PLCXD3: variants seen among roughly 807,000 people sequenced by gnomAD.
The protein encoded by PLCXD3 is phosphatidylinositol specific phospholipase C X domain containing 3, also known as PI-PLC X domain-containing protein 3.
PLCXD3 carries 19 observed loss-of-function variants against 25.5 expected under a neutral mutation model. That is an observed-to-expected ratio of 0.75 (90% confidence interval 0.52 to 1.09). The LOEUF (loss-of-function observed/expected upper bound fraction) is 1.09, where lower values mean the gene tolerates loss of function less well. Among genes scored for constraint, PLCXD3 ranks in the 50% least tolerant of loss-of-function variants. The pLI, the probability that PLCXD3 is intolerant of heterozygous loss-of-function variation, is 0.00. For synonymous variants in PLCXD3, 174 were observed against 137.6 expected (o/e 1.26, Z -1.85); for missense variants, 411 against 388.1 (o/e 1.06, Z -0.50).
rs998798196 is a variant in PLCXD3, at chr5:41,308,324, T to C, written c.*5293A>G. On this transcript the variant is annotated 3_prime_UTR_variant, in exon 3 of 3. Transcript: ENST00000377801. Reference sequence around the variant, plus strand: ...TATGTCTGATTAAATATATGAGAAATATGCTAAAGAAATACTGTTTATCTG... The same window carrying C: ...TATGTCTGATTAAATATATGAGAAACATGCTAAAGAAATACTGTTTATCTG... 6.6e-6 allele frequency: 1 copy of C among 152,142 alleles called. No homozygotes were observed. Among genetic ancestry groups the C allele is most frequent in the African/African-American group, 2.4e-5 (1 of 41,440 alleles). 9.4% of individuals were successfully genotyped at this position (152,142 alleles called of 1,614,324 possible). A position where few individuals can be genotyped will look rare whatever the true frequency, so the allele number is the denominator to read the frequency against.
chr5:41,336,116 C>T (rs1365086965), intron 2 of PLCXD3, among the ~76,000 whole-genome samples: 1 of 152,076 alleles, frequency 6.6e-6, no homozygotes, highest in East Asian at 1.9e-4. Flanking sequence ...AACATGTGGC[C>T]TTTGGAAGGT....
At position 41,505,146 on chromosome 5, in the gene PLCXD3, G is replaced by A. The variant is rs183020865; in HGVS notation, c.103+5278C>T. On this transcript the variant is annotated intron_variant, in intron 1 of 2. Coordinates refer to ENST00000377801, the MANE Select transcript of PLCXD3 (RefSeq NM_001005473.3). The stretch of plus-strand genomic sequence containing the variant: ...GTCAGGGTATAATAAATTTTTACAC[G>A]AGTAAAGCTTATGGGCCTTAACGTA... Among the ~76,000 whole-genome samples, 932 of 152,172 alleles carry A rather than the reference G, an allele frequency of 6.1e-3. 4 individuals carry two copies. Among genetic ancestry groups the A allele is most frequent in the Middle Eastern group, 0.017 (5 of 294 alleles).
chr5:41,393,766 A>G (rs1375131751), intron 1 of PLCXD3, among the ~76,000 whole-genome samples: 1 of 151,904 alleles, frequency 6.6e-6, no homozygotes, highest in East Asian at 1.9e-4. Flanking sequence ...AAAAATACAA[A>G]AAAAGAAAAA....
intron 1 of PLCXD3, among the ~76,000 whole-genome samples, chr5:41,384,190 A>G (rs1436667072): frequency 6.6e-6 from 1 of 152,144 alleles, no homozygotes; most frequent in South Asian, 2.1e-4. Context: ...TGGTGTGGCA[A>G]GAAAATGTCA....
At chr5:41,425,968 C>T (rs1746946114) in intron 1 of PLCXD3, among the ~76,000 whole-genome samples, 1 of 152,114 alleles carries the variant, frequency 6.6e-6, no homozygotes, top group Non-Finnish European at 1.5e-5. Context: ...TGGGTAAATG[C>T]CGAGGAATGT....
At position 41,313,708 on chromosome 5, in the gene PLCXD3, A is replaced by G; in HGVS notation, c.875T>C (p.Ile292Thr). The G allele has an allele frequency of 6.2e-7, 1 of 1,613,820 alleles. No individual in the cohort carries two copies. Among genetic ancestry groups the G allele is most frequent in the South Asian group, 1.1e-5 (1 of 91,072 alleles). ...TQKPGESGIN[I>T]VTADFVELGD... ...AAGTTCTACAAAATCGGCAGTGACA[A>G]TATTGATGCCACTCTCTCCTGGCTT... Residue 292 changes from isoleucine to threonine, a missense_variant, in exon 3 of 3, where the codon ATT becomes ACT. Transcript: ENST00000377801.
chr5:41,493,775 T>C (rs1448336380), intron 1 of PLCXD3, among the ~76,000 whole-genome samples: 1 of 152,206 alleles, frequency 6.6e-6, no homozygotes, highest in Non-Finnish European at 1.5e-5. Context: ...GCGCCGTTTT[T>C]TAAGCCCGTC....
At chr5:41,390,164 T>C (rs1288869523) in intron 1 of PLCXD3, among the ~76,000 whole-genome samples, 1 of 152,206 alleles carries the variant, frequency 6.6e-6, no homozygotes, top group Non-Finnish European at 1.5e-5. Flanking sequence ...ATTCATCCTA[T>C]ATTGTTGTAT....
Position 41,427,292 on chromosome 5 carries a change from A to G in PLCXD3, c.104-44758T>C, listed in dbSNP as rs1050738307. Among the ~76,000 whole-genome samples, 26 of 152,050 alleles carry G rather than the reference A, an allele frequency of 1.7e-4. 1 individual carries two copies. Among genetic ancestry groups the G allele is most frequent in the Admixed American group, 1.7e-3 (26 of 15,260 alleles). On this transcript the variant is annotated intron_variant, in intron 1 of 2. Transcript: ENST00000377801. ...TTTGTATTCCATCCCTTTCCCTCAG[A>G]GTTAGAGTCTGGTTAGTTTTCTCAG...
At chr5:41,497,955 A>G (rs1416683881) in intron 1 of PLCXD3, among the ~76,000 whole-genome samples, 1 of 151,782 alleles carries the variant, frequency 6.6e-6, no homozygotes. Flanking sequence ...AATTGGTCAA[A>G]CAAGAAATCA....
chr5:41,348,107 G>T (rs1322385423), intron 2 of PLCXD3, among the ~76,000 whole-genome samples: 1 of 152,150 alleles, frequency 6.6e-6, no homozygotes, highest in African/African-American at 2.4e-5. Context: ...ATTCCTTATT[G>T]TAAAATGCTT....
chr5:41,423,398 T>C (rs73750172), intron 1 of PLCXD3, among the ~76,000 whole-genome samples: 294 of 152,176 alleles, frequency 1.9e-3, no homozygotes, highest in African/African-American at 6.9e-3. Flanking sequence ...AAATATTAAG[T>C]TTTTCAAGTA....
chr5:41,497,008 G>A (rs1386829074), intron 1 of PLCXD3, among the ~76,000 whole-genome samples: 1 of 151,410 alleles, frequency 6.6e-6, no homozygotes, highest in Non-Finnish European at 1.5e-5. Flanking sequence ...TAAATAATGT[G>A]TTGTAAGATA....
chr5:41,407,938 A>G (rs672658), intron 1 of PLCXD3, among the ~76,000 whole-genome samples: 16,829 of 152,142 alleles, frequency 0.11, 1,078 homozygotes, highest in Admixed American at 0.17. Flanking sequence ...TTTTGATCCA[A>G]TATTCAAGAT....
intron 2 of PLCXD3, among the ~76,000 whole-genome samples, chr5:41,342,305 GT>G: frequency 6.6e-6 from 1 of 152,256 alleles, no homozygotes. Flanking sequence ...TGTTTTAGGT[GT>G]TGAAGAGCGA....
At chr5:41,482,929 T>A (rs1380038252) in intron 1 of PLCXD3, among the ~76,000 whole-genome samples, 2 of 152,154 alleles carry the variant, frequency 1.3e-5, no homozygotes, top group Non-Finnish European at 2.9e-5. Flanking sequence ...CAACTCCCAT[T>A]TCCCCTCCAC....
chr5:41,470,843 A>G (rs958069124), intron 1 of PLCXD3, among the ~76,000 whole-genome samples: 1 of 152,240 alleles, frequency 6.6e-6, no homozygotes, highest in Non-Finnish European at 1.5e-5. Context: ...GTAAGCAGAT[A>G]CATTTGCCAC....
intron 2 of PLCXD3, among the ~76,000 whole-genome samples, chr5:41,364,611 G>C (rs931490136): frequency 6.6e-6 from 1 of 152,158 alleles, no homozygotes; most frequent in Non-Finnish European, 1.5e-5. Context: ...AGATCTCAGA[G>C]ACAGCTGGGG....
At chr5:41,471,970 TCTCC>T (rs1224058799) in intron 1 of PLCXD3, among the ~76,000 whole-genome samples, 4 of 103,616 alleles carry the variant, frequency 3.9e-5, no homozygotes, top group Non-Finnish European at 4.0e-5. Flanking sequence ...CCCTTCCCTT[TCTCC>T]CTCCCTCCCT....
Sources: gnomAD v4.1 joint callset for allele counts (sites outside exome capture counted in the v4.1 genomes callset) on GRCh38, gnomAD v4.1.1 for gene constraint, MANE v1.5 for transcripts, NCBI Gene and HGNC (gene_info 2026-07-23, HGNC 2026-07-21) for gene names.